The following SRP54 variants were observed in gnomAD, a reference collection of about 807,000 sequenced individuals.
SRP54 encodes the protein signal recognition particle subunit SRP54.
In SRP54, 10 loss-of-function variants were observed where a neutral mutation model predicts 64.8. That is an observed-to-expected ratio of 0.15 (90% CI 0.10 to 0.26). The LOEUF (loss-of-function observed/expected upper bound fraction) is 0.26, where lower values mean the gene tolerates loss of function less well. Among genes scored for constraint, SRP54 ranks in the 10% least tolerant of loss-of-function variants. The probability of loss-of-function intolerance (pLI) is 1.00; values close to 1 mark genes in which losing one functional copy is unlikely to be tolerated. For missense variants in SRP54, 325 were observed against 613.7 expected (o/e 0.53, Z 4.97); for synonymous variants, 193 against 185.6 (o/e 1.04, Z -0.32).
intron 14 of SRP54, among the ~76,000 whole-genome samples, chr14:35,025,373 A>G (rs1195225070): frequency 1.3e-5 from 2 of 152,082 alleles, no homozygotes; most frequent in Non-Finnish European, 2.9e-5. Flanking sequence ...GCGATATCCT[A>G]TTTTCTCTTT....
intron 1 of SRP54, among the ~76,000 whole-genome samples, chr14:34,988,536 T>A (rs1159177386): frequency 2.2e-5 from 2 of 91,372 alleles, no homozygotes; most frequent in Non-Finnish European, 4.7e-5. Flanking sequence ...CACTCCAGCC[T>A]GGCGACAGAG....
chr14:35,000,243 T>C (rs2044147962), intron 3 of SRP54, among the ~76,000 whole-genome samples: 1 of 152,146 alleles, frequency 6.6e-6, no homozygotes, highest in African/African-American at 2.4e-5. Flanking sequence ...CTGAGATTAG[T>C]TGTGGGACTA....
intron 11 of SRP54, among the ~76,000 whole-genome samples, chr14:35,017,862 T>C (rs145164183): frequency 1.8e-4 from 28 of 152,320 alleles, no homozygotes; most frequent in Admixed American, 3.3e-4. Context: ...TGGCTCACAC[T>C]GTAATCCTAG....
In SRP54 at chr14:35,014,739, T is replaced by C. The variant is rs2044410947; in HGVS notation, c.887-5T>C. 2 of 1,611,474 alleles carry C rather than the reference T, an allele frequency of 1.2e-6. No individual in the cohort carries two copies. The highest frequency in any genetic ancestry group is 1.7e-6 in the Non-Finnish European group (2 of 1,178,910). ...TTGTTAATTTTTCTTTTTTGTATCTTATAGGTATGGGCGACATTGAAGGAC... is the reference window on the plus strand; with the variant it reads ...TTGTTAATTTTTCTTTTTTGTATCTCATAGGTATGGGCGACATTGAAGGAC... On this transcript the variant is annotated splice_region_variant and splice_polypyrimidine_tract_variant and intron_variant, in intron 10 of 15. Transcript: ENST00000216774.
rs2044484328 is a variant in SRP54, at chr14:35,019,039, A to G, written c.1121A>G (p.Lys374Arg). The change falls in exon 13 of 16, where the codon AAA becomes AGA. Residue 374 changes from lysine (K) to arginine (R), a missense_variant. Physicochemically the swap from Lys to Arg is conservative, Grantham distance 26 (BLOSUM62 2). This residue lies in a region of SRP54 where 146 missense variants were observed against 337.4 expected (regional missense o/e 0.43). Coordinates refer to ENST00000216774, the MANE Select transcript of SRP54 (RefSeq NM_003136.4). The part of the protein sequence containing the change: ...NEQESMARLK[K>R]LMTIMDSMND... Reference sequence around the variant, plus strand: ...CAGGAGTCAATGGCAAGGCTAAAGAAATTAATGACAATAATGGATAGTATG... The same window carrying G: ...CAGGAGTCAATGGCAAGGCTAAAGAGATTAATGACAATAATGGATAGTATG... 6.2e-7 allele frequency: 1 copy of G among 1,613,540 alleles called. No individual in the cohort carries two copies. The highest frequency in any genetic ancestry group is 1.3e-5 in the African/African-American group (1 of 74,918).
chr14:34,992,859 T>G (rs1011420824), intron 1 of SRP54, among the ~76,000 whole-genome samples: 1 of 61,598 alleles, frequency 1.6e-5, no homozygotes, highest in Non-Finnish European at 3.8e-5. Context: ...GTATGGCTTA[T>G]TTATTTATTT....
chr14:34,998,850 A>G (rs1324268125), intron 2 of SRP54, among the ~76,000 whole-genome samples: 2 of 151,774 alleles, frequency 1.3e-5, no homozygotes, highest in Non-Finnish European at 2.9e-5. Flanking sequence ...CAAATATTGT[A>G]ACTATATACC....
chr14:35,010,447 AAAAT>A lies in SRP54; in HGVS notation c.486-1045_486-1042del, dbSNP rs370257214. Reference sequence around the variant, plus strand: ...GGCAACAAGAGCAAAACTGTGCCTCAAAATAAATAAATAAATAAATTTAAAAAAG... The same window carrying A: ...GGCAACAAGAGCAAAACTGTGCCTCAAAATAAATAAATAAATTTAAAAAAG... On this transcript the variant is annotated intron_variant, in intron 7 of 15. Coordinates refer to ENST00000216774, the MANE Select transcript of SRP54 (RefSeq NM_003136.4). Among the ~76,000 whole-genome samples the A allele has an allele frequency of 4.3e-4, 65 of 152,192 alleles. 1 individual carries two copies. Among genetic ancestry groups the A allele is most frequent in the East Asian group, 4.2e-3 (22 of 5,178 alleles).
At chr14:35,001,729 A>G (rs1253022278) in intron 4 of SRP54, among the ~76,000 whole-genome samples, 2 of 152,160 alleles carry the variant, frequency 1.3e-5, no homozygotes, top group African/African-American at 2.4e-5. Context: ...ATGTATCCCA[A>G]TTCTTGCCTA....
chr14:35,027,026 CTTTTT>C (rs368696128), intron 14 of SRP54, among the ~76,000 whole-genome samples: 1 of 135,060 alleles, frequency 7.4e-6, no homozygotes, highest in Non-Finnish European at 1.6e-5. Flanking sequence ...TTTCTACTTT[CTTTTT>C]TTTTTTTTTT....
intron 4 of SRP54, among the ~76,000 whole-genome samples, chr14:35,005,308 G>A (rs1343445382): frequency 6.6e-6 from 1 of 152,146 alleles, no homozygotes; most frequent in Non-Finnish European, 1.5e-5. Flanking sequence ...GTGCATTCTA[G>A]CCTGGGTAAC....
At position 34,986,222 on chromosome 14, in the gene SRP54, ATTAC is replaced by A. The variant is rs555475901; in HGVS notation, c.-34+3010_-34+3013del. Among the ~76,000 whole-genome samples, 792 of 152,322 alleles carry A rather than the reference ATTAC, an allele frequency of 5.2e-3. 11 individuals are homozygous for A. Among genetic ancestry groups the A allele is most frequent in the African/African-American group, 0.018 (766 of 41,580 alleles). ...AATGAGTTTTAAAATTTGAAAAACAATTACTTTAATGAAGAGAAAGTTGCTTGAT... is the reference window on the plus strand; with the variant it reads ...AATGAGTTTTAAAATTTGAAAAACAATTTAATGAAGAGAAAGTTGCTTGAT... On this transcript the variant is annotated intron_variant, in intron 1 of 15. Coordinates refer to ENST00000216774, the MANE Select transcript of SRP54 (RefSeq NM_003136.4).
In SRP54 at chr14:35,003,708, A is replaced by C. The variant is rs183127021; in HGVS notation, c.255+2688A>C. 1.0e-3 allele frequency among the ~76,000 whole-genome samples: 152 copies of C among 151,198 alleles called. 1 individual carries two copies. In the Middle Eastern group the frequency reaches 0.01, roughly 10 times the overall value. The stretch of plus-strand genomic sequence containing the variant: ...CCTGAGCCTCCTAGTAGCTGGGACT[A>C]CTACTCTTTGAGCCCAGGAGTTTGA... On this transcript the variant is annotated intron_variant, in intron 4 of 15. Coordinates refer to ENST00000216774, the MANE Select transcript of SRP54 (RefSeq NM_003136.4).
chr14:35,008,570 A>T (rs915527905), intron 5 of SRP54, 57 bp from the exon 6 acceptor site: 4 of 1,157,366 alleles, frequency 3.5e-6, no homozygotes, highest in Non-Finnish European at 4.7e-6. Flanking sequence ...AGAAAAAATT[A>T]TATGTATAGT....
At chr14:35,021,191 A>G (rs2044523378) in intron 13 of SRP54, among the ~76,000 whole-genome samples, 1 of 152,198 alleles carries the variant, frequency 6.6e-6, no homozygotes, top group African/African-American at 2.4e-5. Flanking sequence ...TCACTTCTGG[A>G]CAATATACTT....
At chr14:34,994,096 C>T (rs1438736269) in intron 1 of SRP54, among the ~76,000 whole-genome samples, 1 of 152,110 alleles carries the variant, frequency 6.6e-6, no homozygotes, top group Non-Finnish European at 1.5e-5. Context: ...CATCTTCAAG[C>T]GATTCTCCTG....
At chr14:34,988,572 A>T (rs1326628730) in intron 1 of SRP54, among the ~76,000 whole-genome samples, 1 of 103,970 alleles carries the variant, frequency 9.6e-6, no homozygotes, top group Admixed American at 1.1e-4. Flanking sequence ...AAAAAAAAAA[A>T]AAAAAAATAT....
chr14:34,999,510 A>T (rs1220048629), intron 2 of SRP54, 48 bp from the exon 3 acceptor site: 2 of 1,417,558 alleles, frequency 1.4e-6, no homozygotes, highest in Non-Finnish European at 2.0e-6. Context: ...TATGGAACTG[A>T]AATGAAACAT....
intron 1 of SRP54, among the ~76,000 whole-genome samples, chr14:34,990,331 A>G (rs918129322): frequency 3.3e-5 from 5 of 152,230 alleles, no homozygotes; most frequent in Non-Finnish European, 5.9e-5. Context: ...TTGTCCTTGC[A>G]GTTTCCAGCA....
Sources: allele counts gnomAD v4.1 joint callset (sites outside exome capture counted in the v4.1 genomes callset), GRCh38; gene constraint gnomAD v4.1.1; regional missense constraint gnomAD v4.1.1; transcripts MANE v1.5; gene names NCBI Gene and HGNC (gene_info 2026-07-23, HGNC 2026-07-21).